ARB2A: variants seen among roughly 807,000 people sequenced by gnomAD.
ARB2A encodes the protein cotranscriptional regulator ARB2A.
At chr5:93,749,180 T>G in the ARB2A span, among the ~76,000 whole-genome samples, 1 of 152,186 alleles carries the variant, frequency 6.6e-6, no homozygotes, top group African/African-American at 2.4e-5. Context: ...GTCAAGTCTC[T>G]CTTTTGATCA....
chr5:93,621,631 A>G, the ARB2A span, among the ~76,000 whole-genome samples: 1 of 152,232 alleles, frequency 6.6e-6, no homozygotes, highest in African/African-American at 2.4e-5. Context: ...GGGATCGCAC[A>G]GCGCCTGTTT....
chr5:93,636,665 A>G, the ARB2A span, among the ~76,000 whole-genome samples: 34 of 152,302 alleles, frequency 2.2e-4, 1 homozygote, highest in Admixed American at 1.6e-3. Flanking sequence ...CTGTTACAGC[A>G]GCCTGAATAT....
chr5:94,076,179 T>C, the ARB2A span, among the ~76,000 whole-genome samples: 1 of 152,176 alleles, frequency 6.6e-6, no homozygotes, highest in Non-Finnish European at 1.5e-5. Flanking sequence ...TTACGAAATG[T>C]CGCTTCAACA....
the ARB2A span, among the ~76,000 whole-genome samples, chr5:94,028,274 C>T: frequency 6.6e-6 from 1 of 152,152 alleles, no homozygotes; most frequent in Admixed American, 6.5e-5. Flanking sequence ...CATGTGGGAG[C>T]ATGAGAAAAT....
the ARB2A span, among the ~76,000 whole-genome samples, chr5:94,095,823 C>A: frequency 6.6e-6 from 1 of 152,088 alleles, no homozygotes; most frequent in Admixed American, 6.5e-5. Flanking sequence ...AGGTATACAT[C>A]TATTACTGAT....
At chr5:93,848,711 G>C in the ARB2A span, among the ~76,000 whole-genome samples, 1 of 152,090 alleles carries the variant, frequency 6.6e-6, no homozygotes, top group African/African-American at 2.4e-5. Context: ...AGGAAACTAG[G>C]CAATCTCAAT....
the ARB2A span, chr5:93,741,726 C>G: frequency 2.6e-6 from 2 of 778,402 alleles, no homozygotes; most frequent in Non-Finnish European, 4.0e-6. Flanking sequence ...TCCATAGGAA[C>G]TCCTGGGTCC....
chr5:93,814,652 T>G, the ARB2A span, among the ~76,000 whole-genome samples: 3 of 152,208 alleles, frequency 2.0e-5, no homozygotes, highest in Non-Finnish European at 4.4e-5. Context: ...TTCTCTTTGT[T>G]TAAAAATGTT....
At chr5:93,671,482 A>G in the ARB2A span, among the ~76,000 whole-genome samples, 130 of 152,282 alleles carry the variant, frequency 8.5e-4, no homozygotes, top group Admixed American at 1.2e-3. Context: ...GAGGATTCAC[A>G]TCCTTAAAAA....
chr5:93,637,360 T>TTG, the ARB2A span, among the ~76,000 whole-genome samples: 4 of 148,170 alleles, frequency 2.7e-5, no homozygotes, highest in Admixed American at 6.7e-5. Context: ...TTTAGTTTTT[T>TTG]TTTTTTTTTT....
chr5:94,092,969 G>T, the ARB2A span, among the ~76,000 whole-genome samples: 2 of 152,002 alleles, frequency 1.3e-5, no homozygotes, highest in Admixed American at 1.3e-4. Flanking sequence ...ATTTTCAATT[G>T]AACTCTTTTC....
chr5:94,041,014 G>GGTTCCT, the ARB2A span, among the ~76,000 whole-genome samples: 3 of 152,244 alleles, frequency 2.0e-5, no homozygotes, highest in Admixed American at 1.3e-4. Context: ...CTGAGGAAAA[G>GGTTCCT]GGAACCCAGA....
the ARB2A span, among the ~76,000 whole-genome samples, chr5:93,820,683 T>G: frequency 6.6e-6 from 1 of 152,174 alleles, no homozygotes; most frequent in African/African-American, 2.4e-5. Context: ...TTGGCATTAT[T>G]TTAAGTATAC....
At chr5:93,671,184 C>A in the ARB2A span, among the ~76,000 whole-genome samples, 1 of 152,050 alleles carries the variant, frequency 6.6e-6, no homozygotes. Context: ...TTAAAGAAGC[C>A]AGATTAGTCT....
the ARB2A span, among the ~76,000 whole-genome samples, chr5:93,937,165 G>A: frequency 3.3e-5 from 5 of 151,374 alleles, no homozygotes; most frequent in Admixed American, 6.6e-5. Flanking sequence ...GAGCCACCGC[G>A]CCCGGCCAAT....
chr5:93,748,585 A>G, the ARB2A span, among the ~76,000 whole-genome samples: 7 of 152,222 alleles, frequency 4.6e-5, no homozygotes, highest in East Asian at 1.4e-3. Context: ...ATAATTATTA[A>G]TAACAACTAC....
At chr5:93,782,822 C>T in the ARB2A span, among the ~76,000 whole-genome samples, 1 of 152,000 alleles carries the variant, frequency 6.6e-6, no homozygotes, top group Non-Finnish European at 1.5e-5. Context: ...TTTGATAGGT[C>T]AAAATACAAA....
At chr5:93,850,742 G>A in the ARB2A span, among the ~76,000 whole-genome samples, 1 of 152,210 alleles carries the variant, frequency 6.6e-6, no homozygotes, top group Non-Finnish European at 1.5e-5. Flanking sequence ...GTAGCAGAAT[G>A]GGCAAGATTA....
chr5:93,866,611 T>C, the ARB2A span, among the ~76,000 whole-genome samples: 2 of 152,210 alleles, frequency 1.3e-5, no homozygotes, highest in African/African-American at 4.8e-5. Context: ...CATCTGTATA[T>C]GCCGGTTTTG....
Sources: allele counts gnomAD v4.1 joint callset (sites outside exome capture counted in the v4.1 genomes callset), GRCh38; gene constraint gnomAD v4.1.1; transcripts MANE v1.5; gene names NCBI Gene and HGNC (gene_info 2026-07-23, HGNC 2026-07-21).